RAB10: variants seen among roughly 807,000 people sequenced by gnomAD.
RAB10 encodes the protein ras-related protein Rab-10.
RAB10 carries 5 observed loss-of-function variants against 25.7 expected under a neutral mutation model. The observed-to-expected ratio is 0.19, with a 90% CI of 0.10 to 0.41. The LOEUF (loss-of-function observed/expected upper bound fraction) is 0.41, where lower values mean the gene tolerates loss of function less well. Ranked by LOEUF, RAB10 falls within the 10% of genes least tolerant of loss-of-function variation. The probability of loss-of-function intolerance (pLI) is 1.00; values close to 1 mark genes in which losing one functional copy is unlikely to be tolerated. For synonymous variants in RAB10, 89 were observed against 86.4 expected (o/e 1.03, Z -0.16); for missense variants, 103 against 245.8 (o/e 0.42, Z 3.89).
intron 1 of RAB10, among the ~76,000 whole-genome samples, chr2:26,048,796 G>A (rs2149263370): frequency 6.6e-6 from 1 of 152,306 alleles, no homozygotes; most frequent in African/African-American, 2.4e-5. Context: ...GATCAGCTGA[G>A]GCCAGGGAGG....
At chr2:26,072,159 C>CT (rs1666640700) in intron 1 of RAB10, among the ~76,000 whole-genome samples, 1 of 152,154 alleles carries the variant, frequency 6.6e-6, no homozygotes, top group Non-Finnish European at 1.5e-5. Flanking sequence ...TGGCTCACGC[C>CT]TGTAATCCCA....
chr2:26,073,036 G>A (rs1666660721), intron 1 of RAB10, among the ~76,000 whole-genome samples: 1 of 152,160 alleles, frequency 6.6e-6, no homozygotes, highest in Non-Finnish European at 1.5e-5. Flanking sequence ...TTGCTTCTAT[G>A]TAATAGATTT....
At chr2:26,043,575 A>G (rs1056734288) in intron 1 of RAB10, among the ~76,000 whole-genome samples, 2 of 152,274 alleles carry the variant, frequency 1.3e-5, no homozygotes, top group East Asian at 1.9e-4. Context: ...AGAATGGAAT[A>G]TTATTCAGCC....
At chr2:26,104,343 G>T (rs561620041) in intron 2 of RAB10, among the ~76,000 whole-genome samples, 1 of 152,316 alleles carries the variant, frequency 6.6e-6, no homozygotes, top group Admixed American at 6.5e-5. Flanking sequence ...AGGATGTTGA[G>T]CATCTTAAGT....
chr2:26,117,492 G>A (rs2149286473), intron 3 of RAB10, among the ~76,000 whole-genome samples: 1 of 152,086 alleles, frequency 6.6e-6, no homozygotes, highest in South Asian at 2.1e-4. Flanking sequence ...GCGGGTGCCT[G>A]TAGTCCCAGC....
chr2:26,046,193 C>T (rs1390686155), intron 1 of RAB10, among the ~76,000 whole-genome samples: 2 of 151,920 alleles, frequency 1.3e-5, no homozygotes, highest in Admixed American at 1.3e-4. Context: ...GGCATGGTGG[C>T]GCATGCCTGT....
chr2:26,102,390 T>A (rs925502509), intron 2 of RAB10, among the ~76,000 whole-genome samples: 2 of 151,906 alleles, frequency 1.3e-5, no homozygotes, highest in Non-Finnish European at 2.9e-5. Context: ...TATTTTGAGA[T>A]GAAATGAGCA....
chr2:26,103,139 G>C (rs1165541063), intron 2 of RAB10, among the ~76,000 whole-genome samples: 1 of 152,156 alleles, frequency 6.6e-6, no homozygotes, highest in Non-Finnish European at 1.5e-5. Flanking sequence ...AAGCTGGGAG[G>C]GGTAGAACCT....
intron 5 of RAB10, among the ~76,000 whole-genome samples, chr2:26,128,410 A>C (rs185499114): frequency 6.6e-6 from 1 of 152,142 alleles, no homozygotes; most frequent in Admixed American, 6.5e-5. Flanking sequence ...GACTTGTGCT[A>C]TAAGGAACTG....
intron 1 of RAB10, among the ~76,000 whole-genome samples, chr2:26,070,747 A>T (rs528427977): frequency 6.6e-6 from 1 of 152,328 alleles, no homozygotes; most frequent in South Asian, 2.1e-4. Context: ...GTCTTTTAAG[A>T]TTATTGCAAG....
At chr2:26,068,674 T>A (rs2149269598) in intron 1 of RAB10, among the ~76,000 whole-genome samples, 1 of 152,310 alleles carries the variant, frequency 6.6e-6, no homozygotes, top group South Asian at 2.1e-4. Context: ...TCTGAGCCTC[T>A]TTCTTTATCT....
intron 1 of RAB10, among the ~76,000 whole-genome samples, chr2:26,074,729 G>GA (rs1391974354): frequency 3.9e-5 from 6 of 151,944 alleles, no homozygotes; most frequent in Admixed American, 2.0e-4. Context: ...TTTAAATGTT[G>GA]AAAAAAGTGA....
At chr2:26,113,894 G>A (rs1667631341) in intron 3 of RAB10, among the ~76,000 whole-genome samples, 1 of 151,916 alleles carries the variant, frequency 6.6e-6, no homozygotes, top group Non-Finnish European at 1.5e-5. Flanking sequence ...GTTCAGCAAG[G>A]TTACAAGAAA....
chr2:26,049,809 T>C (rs895712094), intron 1 of RAB10, among the ~76,000 whole-genome samples: 1 of 152,226 alleles, frequency 6.6e-6, no homozygotes, highest in African/African-American at 2.4e-5. Context: ...TCCATTTAGT[T>C]AAGTAGCCTA....
chr2:26,119,495 A>G (rs1667759391), intron 3 of RAB10, among the ~76,000 whole-genome samples: 1 of 150,906 alleles, frequency 6.6e-6, no homozygotes, highest in African/African-American at 2.4e-5. Flanking sequence ...AAAGAAGTGT[A>G]TCCCAAGTCT....
At chr2:26,087,562 C>G (rs150643368) in intron 1 of RAB10, among the ~76,000 whole-genome samples, 376 of 152,224 alleles carry the variant, frequency 2.5e-3, no homozygotes, top group African/African-American at 8.8e-3. Context: ...GCCACCATGC[C>G]CAGCTAATTT....
At chr2:26,091,386 A>G (rs1174982209) in intron 1 of RAB10, among the ~76,000 whole-genome samples, 1 of 152,128 alleles carries the variant, frequency 6.6e-6, no homozygotes, top group East Asian at 1.9e-4. Context: ...TGAGAAAGGT[A>G]GTCAGAGGTT....
chr2:26,085,959 A>G (rs191345132), intron 1 of RAB10, among the ~76,000 whole-genome samples: 211 of 125,950 alleles, frequency 1.7e-3, no homozygotes, highest in East Asian at 3.0e-3. Flanking sequence ...AGATCACACC[A>G]TTGCACTCCA....
At position 26,053,578 on chromosome 2, in the gene RAB10, A is replaced by G. The variant is rs192959446; in HGVS notation, c.127+18843A>G. Among the ~76,000 whole-genome samples the G allele has an allele frequency of 2.7e-3, 409 of 152,186 alleles. 2 individuals are homozygous for G. Among genetic ancestry groups the G allele is most frequent in the African/African-American group, 8.1e-3 (338 of 41,534 alleles). Reference sequence around the variant, plus strand: ...ATTGAATAATAAGTTATCATTCTTGATTTTTTGCTGGTTTGAAACCTGGTA... The same window carrying G: ...ATTGAATAATAAGTTATCATTCTTGGTTTTTTGCTGGTTTGAAACCTGGTA... On this transcript the variant is annotated intron_variant, in intron 1 of 5. Transcript: ENST00000264710.
Sources: allele counts gnomAD v4.1 joint callset (sites outside exome capture counted in the v4.1 genomes callset), GRCh38; gene constraint gnomAD v4.1.1; transcripts MANE v1.5; gene names NCBI Gene and HGNC (gene_info 2026-07-23, HGNC 2026-07-21).